Variants in SNRNP70 observed in about 807,000 individuals in gnomAD.
The protein encoded by SNRNP70 is small nuclear ribonucleoprotein U1 subunit 70, also known as U1 small nuclear ribonucleoprotein 70 kDa.
SNRNP70 carries 8 observed loss-of-function variants against 50.5 expected under a neutral mutation model. That is an observed-to-expected ratio of 0.16 (90% CI 0.09 to 0.29). SNRNP70 has a LOEUF of 0.29. Ranked by LOEUF, SNRNP70 falls within the 10% of genes least tolerant of loss-of-function variation. SNRNP70 has a pLI of 1.00. For synonymous variants in SNRNP70, 320 were observed against 252.9 expected (o/e 1.27, Z -2.52); for missense variants, 529 against 663.5 (o/e 0.80, Z 2.23).
intron 1 of SNRNP70, 27 bp from the exon 2 acceptor site, chr19:49,086,378 C>T: frequency 9.3e-6 from 15 of 1,604,410 alleles, no homozygotes; most frequent in Non-Finnish European, 1.3e-5. Context: ...CCGATCTAAC[C>T]TAAGGCTGTC....
chr19:49,105,678 A>T (rs910045073), intron 8 of SNRNP70, among the ~76,000 whole-genome samples: 2 of 152,008 alleles, frequency 1.3e-5, no homozygotes, highest in African/African-American at 4.8e-5. Context: ...GTGAGCCAAG[A>T]TAGAGTCACT....
chr19:49,100,333 G>T (rs2040566759), intron 6 of SNRNP70, among the ~76,000 whole-genome samples: 1 of 152,150 alleles, frequency 6.6e-6, no homozygotes. Context: ...GACAGGTCCA[G>T]CTGCCACCAT....
intron 8 of SNRNP70, among the ~76,000 whole-genome samples, chr19:49,106,894 C>T (rs932344127): frequency 6.6e-6 from 1 of 152,166 alleles, no homozygotes; most frequent in Non-Finnish European, 1.5e-5. Context: ...GGTTCCGGTG[C>T]CCTGCAGTCT....
At chr19:49,089,366 CAG>C (rs1242183352) in intron 2 of SNRNP70, among the ~76,000 whole-genome samples, 1 of 151,772 alleles carries the variant, frequency 6.6e-6, no homozygotes, top group Non-Finnish European at 1.5e-5. Context: ...GAGACGGGCA[CAG>C]GGGGGAAAGC....
At chr19:49,090,827 G>A (rs138972962) in intron 4 of SNRNP70, among the ~76,000 whole-genome samples, 21 of 152,204 alleles carry the variant, frequency 1.4e-4, no homozygotes, top group African/African-American at 4.8e-4. Flanking sequence ...GTGGGTTGTG[G>A]GATAGTGGTC....
intron 4 of SNRNP70, among the ~76,000 whole-genome samples, chr19:49,095,647 C>T (rs969819570): frequency 3.3e-5 from 5 of 150,932 alleles, no homozygotes; most frequent in African/African-American, 1.2e-4. Flanking sequence ...AAGCGATTCT[C>T]TTGTCTTAGT....
At chr19:49,100,100 C>T (rs966172608) in intron 6 of SNRNP70, among the ~76,000 whole-genome samples, 2 of 152,146 alleles carry the variant, frequency 1.3e-5, no homozygotes, top group Admixed American at 1.3e-4. Flanking sequence ...ACAGGTTGGT[C>T]GCCAACTGGT....
intron 2 of SNRNP70, 79 bp from the exon 3 acceptor site, chr19:49,090,212 C>G (rs2040431086): frequency 7.8e-7 from 1 of 1,279,256 alleles, no homozygotes; most frequent in Non-Finnish European, 1.1e-6. Flanking sequence ...GGAGGGTTAA[C>G]CTGTTTATTT....
At chr19:49,102,351 C>T (rs1347104786) in intron 7 of SNRNP70, 9 of 345,088 alleles carry the variant, frequency 2.6e-5, no homozygotes, top group African/African-American at 1.7e-4. Context: ...CTGCCCCGAT[C>T]CGTATGCTCT....
In SNRNP70 at chr19:49,085,489, C is replaced by CGGT; in HGVS notation, c.-158_-157insGGT. ...GGCCGCGCGGGTGGCTGAGCAGCGG[C>CGGT]CTGGTGCGCTCGCTTAGCGGGCGAC... On this transcript the variant is annotated 5_prime_UTR_variant, in exon 1 of 10. Coordinates refer to ENST00000598441, the MANE Select transcript of SNRNP70 (RefSeq NM_003089.6). 2.2e-6 allele frequency: 1 copy of CGGT among 452,216 alleles called. No individual in the cohort carries two copies. Among genetic ancestry groups the CGGT allele is most frequent in the Non-Finnish European group, 4.5e-6 (1 of 224,370 alleles). The allele number at this position is 452,216 out of a possible 1,614,324, so 28.0% of individuals were successfully genotyped here.
At chr19:49,088,949 C>G (rs1425799485) in intron 2 of SNRNP70, among the ~76,000 whole-genome samples, 2 of 152,154 alleles carry the variant, frequency 1.3e-5, no homozygotes, top group Non-Finnish European at 2.9e-5. Flanking sequence ...AGGGCCCTGC[C>G]ATCACTCCAC....
rs535957414 is a variant in SNRNP70 at position 49,088,360 on chromosome 19, G to A, written c.147+1799G>A. On this transcript the variant is annotated intron_variant, in intron 2 of 9. Coordinates refer to ENST00000598441, the MANE Select transcript of SNRNP70 (RefSeq NM_003089.6). ...TGGGACTACAGGTGCCCGCCACCAC[G>A]CCTGGCTAATTTTTTGTATTTTTAG... 9.9e-4 allele frequency among the ~76,000 whole-genome samples: 149 copies of A among 150,482 alleles called. 1 individual carries two copies. The highest frequency in any genetic ancestry group is 3.5e-3 in the African/African-American group (143 of 40,854).
intron 4 of SNRNP70, among the ~76,000 whole-genome samples, chr19:49,097,161 C>G (rs2040523614): frequency 6.6e-6 from 1 of 151,938 alleles, no homozygotes; most frequent in Non-Finnish European, 1.5e-5. Flanking sequence ...CTTTATTTCT[C>G]TAGCTTCTGG....
intron 7 of SNRNP70, chr19:49,103,804 C>CT (rs1568422637): frequency 6.5e-6 from 1 of 152,816 alleles, no homozygotes; most frequent in African/African-American, 2.4e-5. Flanking sequence ...CAGTGAGCCT[C>CT]TCCCCCGTCT....
intron 1 of SNRNP70, 55 bp from the exon 2 acceptor site, chr19:49,086,350 G>A (rs1253512520): frequency 6.5e-7 from 1 of 1,527,848 alleles, no homozygotes; most frequent in Non-Finnish European, 8.8e-7. Context: ...GAGTAACAGG[G>A]GCTTTCTCTG....
At position 49,086,360 on chromosome 19, in the gene SNRNP70, G is replaced by A. The variant is rs769900762; in HGVS notation, c.-10-45G>A. ...TCAAGGAGTAACAGGGGCTTTCTCT[G>A]TGCAGACCCGATCTAACCTAAGGCT... On this transcript the variant is annotated intron_variant, in intron 1 of 9. Transcript: ENST00000598441. 1.9e-6 allele frequency: 3 copies of A among 1,578,996 alleles called. No homozygotes were observed. The South Asian group carries it at 3.5e-5, about 18-fold the overall frequency.
At chr19:49,093,393 C>T (rs1302161364) in intron 4 of SNRNP70, among the ~76,000 whole-genome samples, 1 of 151,620 alleles carries the variant, frequency 6.6e-6, no homozygotes, top group Non-Finnish European at 1.5e-5. Flanking sequence ...GCCAGAAATG[C>T]TTTTTAAAAA....
At position 49,090,330 on chromosome 19, in the gene SNRNP70, C is replaced by G. The variant is rs2040432178; in HGVS notation, c.187C>G (p.Arg63Gly). ...DAPPPTRAET[R>G]EERMERKRRE... ...CCCTCCTCCAACTCGTGCTGAAACC[C>G]GAGAGGAGCGCATGGAGAGGAAAGT... The change falls in exon 3 of 10, where the codon CGA becomes GGA. Residue 63 changes from arginine to glycine, a missense_variant. Physicochemically the swap from Arg to Gly is moderately radical, Grantham distance 125. Coordinates refer to ENST00000598441, the MANE Select transcript of SNRNP70 (RefSeq NM_003089.6). 2 of 1,614,002 alleles carry G rather than the reference C, an allele frequency of 1.2e-6. No individual in the cohort carries two copies. The highest frequency in any genetic ancestry group is 1.3e-5 in the African/African-American group (1 of 74,986).
intron 2 of SNRNP70, 26 bp from the exon 3 acceptor site, chr19:49,090,265 C>G: frequency 6.2e-7 from 1 of 1,609,638 alleles, no homozygotes; most frequent in Non-Finnish European, 8.5e-7. Context: ...TCCTTCCCAC[C>G]CTGTCACCTC....
Sources: allele counts gnomAD v4.1 joint callset (sites outside exome capture counted in the v4.1 genomes callset), GRCh38; gene constraint gnomAD v4.1.1; transcripts MANE v1.5; gene names NCBI Gene and HGNC (gene_info 2026-07-23, HGNC 2026-07-21).